TTLL13: variants seen among roughly 807,000 people sequenced by gnomAD.
TTLL13 encodes the protein tubulin tyrosine ligase like 13.
At chr15:90,254,305 C>A in the TTLL13 span, among the ~76,000 whole-genome samples, 1 of 151,494 alleles carries the variant, frequency 6.6e-6, no homozygotes, top group Non-Finnish European at 1.5e-5. Flanking sequence ...CCAGCCTGAC[C>A]AACAGGGTAA....
At chr15:90,262,393 A>T in the TTLL13 span, 3 of 1,305,664 alleles carry the variant, frequency 2.3e-6, no homozygotes, top group Non-Finnish European at 3.0e-6. Flanking sequence ...TCCTAAGAAC[A>T]GATTGTAATT....
chr15:90,259,036 T>C, the TTLL13 span: 1 of 1,577,276 alleles, frequency 6.3e-7, no homozygotes, highest in Admixed American at 1.8e-5. Context: ...AAAAACAACT[T>C]TTTGCATAGA....
the TTLL13 span, chr15:90,264,919 C>T: frequency 1.3e-6 from 2 of 1,535,978 alleles, no homozygotes; most frequent in African/African-American, 2.7e-5. Context: ...CGTCTGCACC[C>T]ATGCTGCAGC....
At chr15:90,252,175 G>A in the TTLL13 span, among the ~76,000 whole-genome samples, 2 of 151,758 alleles carry the variant, frequency 1.3e-5, no homozygotes. Flanking sequence ...AAATAGCTGG[G>A]ATTACAGGCA....
At chr15:90,251,222 T>G in the TTLL13 span, among the ~76,000 whole-genome samples, 1 of 147,564 alleles carries the variant, frequency 6.8e-6, no homozygotes, top group Non-Finnish European at 1.5e-5. Context: ...CAGGCCATTC[T>G]CCTGCCTCAG....
At chr15:90,253,225 C>T in the TTLL13 span, 1 of 1,599,240 alleles carries the variant, frequency 6.3e-7, no homozygotes, top group Non-Finnish European at 8.6e-7. Flanking sequence ...CATGCTGGCA[C>T]TACTGATCTC....
chr15:90,251,153 G>A, the TTLL13 span, among the ~76,000 whole-genome samples: 20,423 of 124,090 alleles, frequency 0.16, 1,813 homozygotes, highest in Middle Eastern at 0.22. Context: ...TCGCTCTGTC[G>A]CCCAGGCTGG....
At chr15:90,262,269 G>A in the TTLL13 span, 3 of 1,379,880 alleles carry the variant, frequency 2.2e-6, no homozygotes, top group Non-Finnish European at 2.9e-6. Context: ...AGCAGGGAAA[G>A]AGGAAGCCAG....
the TTLL13 span, chr15:90,261,999 T>C: frequency 6.5e-7 from 1 of 1,528,784 alleles, no homozygotes; most frequent in East Asian, 2.5e-5. Flanking sequence ...GAGCTTGCTT[T>C]CCACAGGAAA....
the TTLL13 span, chr15:90,255,670 A>G: frequency 4.4e-6 from 7 of 1,589,806 alleles, no homozygotes; most frequent in Admixed American, 3.4e-5. Context: ...AACCTTCCCA[A>G]TCCTCCTCCA....
the TTLL13 span, among the ~76,000 whole-genome samples, chr15:90,256,908 G>A: frequency 6.6e-6 from 1 of 151,916 alleles, no homozygotes; most frequent in African/African-American, 2.4e-5. Flanking sequence ...GGCTGGTCTT[G>A]AACTCCTGAA....
the TTLL13 span, chr15:90,258,389 G>A: frequency 1.1e-6 from 1 of 883,500 alleles, no homozygotes; most frequent in Non-Finnish European, 1.8e-6. Context: ...AAAGCCCTGG[G>A]GTGGGCAGGA....
the TTLL13 span, chr15:90,262,708 A>T: frequency 6.9e-7 from 1 of 1,445,260 alleles, no homozygotes; most frequent in Non-Finnish European, 9.1e-7. Context: ...TCCACAGGAA[A>T]ATGGGTTGGG....
chr15:90,256,304 G>T, the TTLL13 span: 1 of 1,614,098 alleles, frequency 6.2e-7, no homozygotes, highest in South Asian at 1.1e-5. Context: ...CAAGGTGAAG[G>T]ATGCCTCAGG....
chr15:90,264,422 C>CA, the TTLL13 span, among the ~76,000 whole-genome samples: 166 of 152,322 alleles, frequency 1.1e-3, 1 homozygote, highest in African/African-American at 3.6e-3. Flanking sequence ...CCACCTGAAT[C>CA]AGTCTCCCAA....
At chr15:90,255,613 C>T in the TTLL13 span, 5 of 1,217,180 alleles carry the variant, frequency 4.1e-6, no homozygotes, top group East Asian at 7.1e-5. Context: ...TATGTTTGCC[C>T]TTGGGGTCCT....
At chr15:90,258,628 C>A in the TTLL13 span, 1 of 901,500 alleles carries the variant, frequency 1.1e-6, no homozygotes, top group East Asian at 2.5e-5. Flanking sequence ...CATCCAGCCT[C>A]CCCGGCTGAG....
chr15:90,252,375 C>T, the TTLL13 span, among the ~76,000 whole-genome samples: 16 of 151,412 alleles, frequency 1.1e-4, no homozygotes, highest in Non-Finnish European at 2.4e-4. Context: ...GAGACAGAGT[C>T]TTGCTATGTT....
the TTLL13 span, chr15:90,257,238 G>A: frequency 6.2e-6 from 10 of 1,612,982 alleles, no homozygotes; most frequent in East Asian, 2.2e-5. Flanking sequence ...GGCCTAGCCC[G>A]TTTTGCCACC....
Sources: gnomAD v4.1 joint callset for allele counts (sites outside exome capture counted in the v4.1 genomes callset) on GRCh38, gnomAD v4.1.1 for gene constraint, MANE v1.5 for transcripts, NCBI Gene and HGNC (gene_info 2026-07-23, HGNC 2026-07-21) for gene names.